CHST8: variants seen among roughly 807,000 people sequenced by gnomAD.
CHST8 encodes carbohydrate sulfotransferase 8.
A neutral mutation model predicts 15.0 loss-of-function variants in CHST8; 10 were observed. The ratio of observed to expected loss-of-function variants is 0.67; its 90% CI spans 0.41 to 1.13. The LOEUF (loss-of-function observed/expected upper bound fraction) is 1.13, where lower values mean the gene tolerates loss of function less well. Ranked by LOEUF, CHST8 falls within the 50% of genes most tolerant of loss-of-function variation. The pLI, the probability that CHST8 is intolerant of heterozygous loss-of-function variation, is 0.00. For synonymous variants in CHST8, 259 were observed against 256.6 expected (o/e 1.01, Z -0.09); for missense variants, 634 against 608.2 (o/e 1.04, Z -0.45).
chr19:33,675,491 T>C (rs1431752306), intron 2 of CHST8, among the ~76,000 whole-genome samples: 2 of 152,240 alleles, frequency 1.3e-5, no homozygotes, highest in Non-Finnish European at 2.9e-5. Context: ...CTGGGTTTTC[T>C]GTTTCTCGCT....
chr19:33,624,238 G>T (rs561290855), intron 1 of CHST8, among the ~76,000 whole-genome samples: 2 of 152,364 alleles, frequency 1.3e-5, no homozygotes, highest in African/African-American at 4.8e-5. Context: ...ATCAGGCAGC[G>T]TGGGGGCTCA....
At chr19:33,713,696 G>T (rs557735454) in intron 3 of CHST8, among the ~76,000 whole-genome samples, 1 of 152,228 alleles carries the variant, frequency 6.6e-6, no homozygotes, top group South Asian at 2.1e-4. Context: ...AAATAGATAG[G>T]ATTACAGGTA....
chr19:33,628,820 G>A (rs1972089430), intron 1 of CHST8, among the ~76,000 whole-genome samples: 1 of 152,188 alleles, frequency 6.6e-6, no homozygotes, highest in African/African-American at 2.4e-5. Context: ...GAGGGGATGT[G>A]GTAAGGAGTG....
chr19:33,709,943 G>A (rs530496190), intron 3 of CHST8, among the ~76,000 whole-genome samples: 3 of 152,020 alleles, frequency 2.0e-5, no homozygotes, highest in East Asian at 3.9e-4. Flanking sequence ...TAAGTAGCTG[G>A]GACTACAGGT....
chr19:33,655,123 G>T (rs1030479918), intron 1 of CHST8, among the ~76,000 whole-genome samples: 1 of 152,096 alleles, frequency 6.6e-6, no homozygotes, highest in Admixed American at 6.6e-5. Flanking sequence ...TGCAGCCTCC[G>T]CCTCCCGGGT....
intron 1 of CHST8, among the ~76,000 whole-genome samples, chr19:33,647,939 TA>T (rs1568313786): frequency 6.6e-6 from 1 of 151,984 alleles, no homozygotes; most frequent in Admixed American, 6.6e-5. Flanking sequence ...TGGGGGTTTT[TA>T]TTTTTTTTTT....
intron 2 of CHST8, among the ~76,000 whole-genome samples, chr19:33,672,874 G>A (rs1365302638): frequency 6.6e-6 from 1 of 152,240 alleles, no homozygotes; most frequent in African/African-American, 2.4e-5. Flanking sequence ...GAAGAGGCCT[G>A]AATGGGGAAG....
intron 1 of CHST8, among the ~76,000 whole-genome samples, chr19:33,641,134 TC>T (rs1167927206): frequency 5.3e-5 from 8 of 152,150 alleles, no homozygotes; most frequent in Non-Finnish European, 1.2e-4. Context: ...GCTCCTGCCC[TC>T]CTCAGCTCCT....
chr19:33,718,224 T>C (rs1048063900), intron 3 of CHST8, among the ~76,000 whole-genome samples: 2 of 132,770 alleles, frequency 1.5e-5, no homozygotes, highest in East Asian at 2.5e-4. Flanking sequence ...TTTTCTTTCT[T>C]TTTTTTTTTT....
chr19:33,647,583 C>A (rs945874793), intron 1 of CHST8, among the ~76,000 whole-genome samples: 1 of 152,150 alleles, frequency 6.6e-6, no homozygotes, highest in Non-Finnish European at 1.5e-5. Context: ...CGGTGACTCA[C>A]GCTTATAATC....
intron 1 of CHST8, among the ~76,000 whole-genome samples, chr19:33,648,966 C>A (rs1009398250): frequency 1.7e-5 from 2 of 119,506 alleles, no homozygotes; most frequent in Non-Finnish European, 3.2e-5. Context: ...TGCAGTGGGG[C>A]GATCTCGGCT....
intron 3 of CHST8, among the ~76,000 whole-genome samples, chr19:33,737,011 A>G (rs1974099660): frequency 6.6e-6 from 1 of 152,148 alleles, no homozygotes; most frequent in Non-Finnish European, 1.5e-5. Flanking sequence ...ATGCTAAAAG[A>G]CATACCCACC....
intron 3 of CHST8, among the ~76,000 whole-genome samples, chr19:33,742,516 C>T (rs1974215611): frequency 6.6e-6 from 1 of 152,166 alleles, no homozygotes; most frequent in Admixed American, 6.5e-5. Context: ...CGCTCATTAC[C>T]ATGGGGAGGG....
chr19:33,638,153 G>A (rs966357131), intron 1 of CHST8, among the ~76,000 whole-genome samples: 14 of 152,120 alleles, frequency 9.2e-5, no homozygotes, highest in African/African-American at 3.1e-4. Flanking sequence ...TTTGCTGGTC[G>A]GAAAGTGTTT....
rs548964433 is a variant in CHST8, at chr19:33,754,524, T to G, written c.131-16889T>G. Among the ~76,000 whole-genome samples the G allele has an allele frequency of 5.9e-5, 9 of 152,276 alleles. No homozygotes were observed. In the East Asian group the frequency reaches 1.7e-3, roughly 29 times the overall value. On this transcript the variant is annotated intron_variant, in intron 3 of 4. Coordinates refer to ENST00000650847, the MANE Select transcript of CHST8 (RefSeq NM_001127895.2). ...CCCTTTCCCTCTGTTTTTGGTTTGA[T>G]CCAAGGACAGGATCGACTTTACCAA...
intron 3 of CHST8, among the ~76,000 whole-genome samples, chr19:33,711,235 G>A (rs1973542590): frequency 6.6e-6 from 1 of 152,160 alleles, no homozygotes. Context: ...TGGGAAAGAA[G>A]CTACCAGGCT....
intron 1 of CHST8, among the ~76,000 whole-genome samples, chr19:33,648,637 A>C (rs58057450): frequency 0.36 from 55,018 of 152,048 alleles, 10,478 homozygotes; most frequent in East Asian, 0.49. Context: ...CACTCTTGGA[A>C]AACGGTCTAG....
chr19:33,669,037 T>C (rs1298003915), intron 2 of CHST8, among the ~76,000 whole-genome samples: 2 of 152,192 alleles, frequency 1.3e-5, no homozygotes, highest in Non-Finnish European at 2.9e-5. Context: ...TGAAGTTGCT[T>C]CTAATGTTAT....
intron 4 of CHST8, 79 bp downstream of exon 4, chr19:33,771,529 C>T: frequency 7.3e-7 from 1 of 1,363,606 alleles, no homozygotes; most frequent in Non-Finnish European, 1.0e-6. Context: ...AAATTAGGAG[C>T]TCACATTGGA....
Sources: allele counts gnomAD v4.1 joint callset (sites outside exome capture counted in the v4.1 genomes callset), GRCh38; gene constraint gnomAD v4.1.1; transcripts MANE v1.5; gene names NCBI Gene and HGNC (gene_info 2026-07-23, HGNC 2026-07-21).